Variants in DOCK11 observed in about 807,000 individuals in gnomAD.
DOCK11 encodes the protein dedicator of cytokinesis protein 11.
A neutral mutation model predicts 169.1 loss-of-function variants in DOCK11; 70 were observed. The observed-to-expected ratio is 0.41, with a 90% confidence interval of 0.34 to 0.51. The LOEUF is 0.51. Among genes scored for constraint, DOCK11 ranks in the 20% least tolerant of loss-of-function variants. DOCK11 has a pLI of 0.10. For synonymous variants in DOCK11, 529 were observed against 541.3 expected, an observed-to-expected ratio of 0.98 and a Z score of 0.32; for missense variants, 1,166 against 1,538.8, an observed-to-expected ratio of 0.76 and a Z score of 4.05.
At chrX:118,656,171 G>A (rs772639450) in intron 44 of DOCK11, among the ~76,000 whole-genome samples, 1 of 110,276 alleles carries the variant, frequency 9.1e-6, no homozygotes, top group Admixed American at 9.7e-5. Context: ...CATGCCTGTG[G>A]TTCCAGCTAC....
chrX:118,545,273 T>C, intron 4 of DOCK11, 50 bp from the exon 5 acceptor site: 3 of 578,126 alleles, frequency 5.2e-6, no homozygotes, highest in Non-Finnish European at 6.9e-6. Flanking sequence ...TTGTTTTTCT[T>C]TTTTTTTTTG....
chrX:118,616,348 T>C, intron 30 of DOCK11: 1 of 503,342 alleles, frequency 2.0e-6, no homozygotes, highest in African/African-American at 2.5e-5. Context: ...AAATTCTCCC[T>C]AGCCAAAATG....
intron 9 of DOCK11, among the ~76,000 whole-genome samples, chrX:118,567,432 A>ATTTTT (rs746150692): frequency 1.1e-5 from 1 of 92,346 alleles, no homozygotes. Context: ...CTAATCTAGG[A>ATTTTT]TTTTTTTTTT....
chrX:118,609,212 C>T, intron 26 of DOCK11, 66 bp from the exon 27 acceptor site: 1 of 823,657 alleles, frequency 1.2e-6, no homozygotes, highest in Non-Finnish European at 1.8e-6. Flanking sequence ...CCATATTGAT[C>T]TGTCAAACTT....
chrX:118,647,814 T>TATATTATAATATATAATAATATATAA (rs1569440740), intron 40 of DOCK11, among the ~76,000 whole-genome samples: 35 of 49,933 alleles, frequency 7.0e-4, no homozygotes, highest in African/African-American at 3.2e-3. Flanking sequence ...ATAATATATA[T>TATATTATAATATATAATAATATATAA]TATATTATTA....
chrX:118,543,006 T>C lies in DOCK11; in HGVS notation c.300T>C (p.Phe100=). The C allele has an allele frequency of 2.5e-6, 3 of 1,206,830 alleles. No homozygotes were observed. The highest frequency in any genetic ancestry group is 3.4e-6 in the Non-Finnish European group (3 of 891,945). Residue 100 remains phenylalanine (F), a synonymous_variant, in exon 3 of 53, where the codon TTT becomes TTC. Transcript: ENST00000276202. ...EDAEKRAQSL[F]VKECIKTYST... is the part of the protein sequence containing the mutation. ...CTGAAAAGAGGGCCCAGAGTTTATTTGTTAAAGAGGTAAGAGGCTCAAAGG... is the reference window on the plus strand; with the variant it reads ...CTGAAAAGAGGGCCCAGAGTTTATTCGTTAAAGAGGTAAGAGGCTCAAAGG...
chrX:118,532,653 C>A (rs976979932), intron 1 of DOCK11, among the ~76,000 whole-genome samples: 40 of 108,861 alleles, frequency 3.7e-4, no homozygotes, highest in Non-Finnish European at 7.3e-4. Flanking sequence ...TGGTGGTGGG[C>A]GCCTGTAGCC....
chrX:118,628,750 C>T (rs1603133954), intron 34 of DOCK11, among the ~76,000 whole-genome samples: 1 of 112,577 alleles, frequency 8.9e-6, no homozygotes, highest in African/African-American at 3.2e-5. Flanking sequence ...AGTCGTTTCA[C>T]GCCTACCATT....
intron 45 of DOCK11, among the ~76,000 whole-genome samples, chrX:118,664,501 C>T (rs1168717937): frequency 9.1e-6 from 1 of 110,141 alleles, no homozygotes. Context: ...AAAAATTAGC[C>T]AGACGTGGTG....
At chrX:118,646,411 C>T (rs2015673263) in intron 40 of DOCK11, among the ~76,000 whole-genome samples, 1 of 110,422 alleles carries the variant, frequency 9.1e-6, no homozygotes, top group Non-Finnish European at 1.9e-5. Flanking sequence ...GGTTCAAAGA[C>T]GAATCTGTAA....
At chrX:118,615,359 G>A (rs183365923) in intron 29 of DOCK11, among the ~76,000 whole-genome samples, 2 of 112,031 alleles carry the variant, frequency 1.8e-5, no homozygotes, top group African/African-American at 3.2e-5. Flanking sequence ...CACAGAAGGT[G>A]CAACTTAACA....
intron 31 of DOCK11, among the ~76,000 whole-genome samples, chrX:118,621,606 T>C (rs1414177474): frequency 8.9e-6 from 1 of 112,018 alleles, no homozygotes; most frequent in African/African-American, 3.2e-5. Context: ...GTCCCTGTTA[T>C]GTGTTACTCA....
Position 118,605,442 on chromosome X carries a change from C to A in DOCK11, c.2681+86C>A, listed in dbSNP as rs768036645. 4.7e-6 allele frequency: 3 copies of A among 644,975 alleles called. No individual in the cohort carries two copies. In the African/African-American group the frequency reaches 6.9e-5, roughly 15 times the overall value. 53.2% of individuals were successfully genotyped at this position (644,975 alleles called of 1,213,427 possible). A position where few individuals can be genotyped will look rare whatever the true frequency, so the allele number is the denominator to read the frequency against. ...TGGAGGTATTCATTACTATAAACTT[C>A]CCTCTTAGAACTGCTGTTGCATTCC... On this transcript the variant is annotated intron_variant, in intron 24 of 52. Transcript: ENST00000276202.
At chrX:118,499,888 CGGTGCA>C (rs1229703274) in intron 1 of DOCK11, among the ~76,000 whole-genome samples, 1 of 111,577 alleles carries the variant, frequency 9.0e-6, no homozygotes, top group African/African-American at 3.3e-5. Flanking sequence ...TACAAAAGAC[CGGTGCA>C]GGTTGCTGTG....
intron 44 of DOCK11, among the ~76,000 whole-genome samples, chrX:118,656,562 A>T (rs1240412764): frequency 8.9e-6 from 1 of 112,164 alleles, no homozygotes; most frequent in East Asian, 2.8e-4. Context: ...TATTGAAATT[A>T]CACACCTGAA....
intron 10 of DOCK11, among the ~76,000 whole-genome samples, chrX:118,568,809 T>C (rs2147385467): frequency 9.0e-6 from 1 of 111,394 alleles, no homozygotes; most frequent in East Asian, 2.8e-4. Context: ...TTTGTTTAAG[T>C]GGGAAAGGTC....
intron 1 of DOCK11, among the ~76,000 whole-genome samples, chrX:118,497,829 G>C (rs1449458027): frequency 8.9e-6 from 1 of 112,277 alleles, no homozygotes; most frequent in Admixed American, 9.4e-5. Flanking sequence ...AGAATAAATG[G>C]GACTAAGAAA....
intron 7 of DOCK11, among the ~76,000 whole-genome samples, chrX:118,564,016 T>C (rs2012994836): frequency 8.9e-6 from 1 of 112,207 alleles, no homozygotes; most frequent in South Asian, 3.7e-4. Flanking sequence ...AAAATAACTC[T>C]CACCAAAGTG....
chrX:118,648,000 A>G (rs1344957872), intron 40 of DOCK11, among the ~76,000 whole-genome samples: 2 of 49,153 alleles, frequency 4.1e-5, no homozygotes, highest in East Asian at 1.0e-3. Flanking sequence ...TATATAATAT[A>G]TTATTATAAT....
Sources: gnomAD v4.1 joint callset for allele counts (sites outside exome capture counted in the v4.1 genomes callset) on GRCh38, gnomAD v4.1.1 for gene constraint, MANE v1.5 for transcripts, NCBI Gene and HGNC (gene_info 2026-07-23, HGNC 2026-07-21) for gene names.